The following XXYLT1 variants were observed in gnomAD, a reference collection of about 807,000 sequenced individuals.
XXYLT1 encodes the protein xyloside xylosyltransferase 1, also known as UDP-xylose:alpha-xyloside alpha-1,3-xylosyltransferase.
A neutral mutation model predicts 28.9 loss-of-function variants in XXYLT1; 20 were observed. The observed-to-expected ratio is 0.69, with a 90% CI of 0.49 to 1.00. The LOEUF (loss-of-function observed/expected upper bound fraction) is 1.00. Ranked by LOEUF, XXYLT1 falls within the 50% of genes least tolerant of loss-of-function variation. The pLI, the probability that XXYLT1 is intolerant of heterozygous loss-of-function variation, is 0.00. For missense variants in XXYLT1, 542 were observed against 560.1 expected, an observed-to-expected ratio of 0.97 and a Z score of 0.33; for synonymous variants, 257 against 253.8, an observed-to-expected ratio of 1.01 and a Z score of -0.12.
rs892215991 is a variant in XXYLT1, at chr3:195,255,957, G to C, written c.504+14598C>G. Among the ~76,000 whole-genome samples the C allele has an allele frequency of 1.3e-5, 2 of 152,162 alleles. No homozygotes were observed. The highest frequency in any genetic ancestry group is 4.8e-5 in the African/African-American group (2 of 41,432). On this transcript the variant is annotated intron_variant, in intron 1 of 3. Transcript: ENST00000310380. The surrounding 1 kb of genome is among the most constrained non-coding windows in gnomAD (Gnocchi z 4.5). ...TGTTCTATGGGCAGCTCCTGGAGGA[G>C]GGAGGGAAGGTCCACCCCGGGCAGC...
chr3:195,143,283 G>A (rs1024081295), intron 3 of XXYLT1, among the ~76,000 whole-genome samples: 1 of 152,098 alleles, frequency 6.6e-6, no homozygotes, highest in African/African-American at 2.4e-5. Flanking sequence ...CCCACGGTGG[G>A]AGCATTTGGC....
Position 195,077,137 on chromosome 3 carries a change from G to A in XXYLT1, c.786-7026C>T, listed in dbSNP as rs771560717. 9.2e-5 allele frequency among the ~76,000 whole-genome samples: 14 copies of A among 152,200 alleles called. No individual in the cohort carries two copies. The highest frequency in any genetic ancestry group is 1.8e-4 in the Non-Finnish European group (12 of 68,034). On this transcript the variant is annotated intron_variant, in intron 3 of 3. Transcript: ENST00000310380. The surrounding 1 kb of genome is among the most constrained non-coding windows in gnomAD (Gnocchi z 4.8). ...CCAGCCCCTGCTGCTCTCAGTGGGT[G>A]GAGACAGAATGACCCACAGTGGGCG...
chr3:195,119,700 G>A (rs961429723), intron 3 of XXYLT1, among the ~76,000 whole-genome samples: 2 of 152,186 alleles, frequency 1.3e-5, no homozygotes, highest in African/African-American at 4.8e-5. Flanking sequence ...TCCTCACTCC[G>A]CAGAACAATG....
chr3:195,119,708 A>G (rs1466868553), intron 3 of XXYLT1, among the ~76,000 whole-genome samples: 1 of 152,200 alleles, frequency 6.6e-6, no homozygotes, highest in Non-Finnish European at 1.5e-5. Context: ...CCGCAGAACA[A>G]TGCTGAGTCT....
At position 195,169,867 on chromosome 3, in the gene XXYLT1, A is replaced by AT. The variant is rs1392441054; in HGVS notation, c.653-13287dup. 1.5e-3 allele frequency among the ~76,000 whole-genome samples: 188 copies of AT among 124,450 alleles called. 2 individuals carry two copies. The highest frequency in any genetic ancestry group is 0.01 in the East Asian group (40 of 3,940). 81.6% of individuals were successfully genotyped at this position (124,450 alleles called of 152,430 possible). ...TGTGTGTGTACATATATATATATATATATTTTTTTTTTTTTGAGATGGAGT... is the reference window on the plus strand; with the variant it reads ...TGTGTGTGTACATATATATATATATATTATTTTTTTTTTTTTGAGATGGAGT... On this transcript the variant is annotated intron_variant, in intron 2 of 3. Coordinates refer to ENST00000310380, the MANE Select transcript of XXYLT1 (RefSeq NM_152531.5).
At chr3:195,190,268 G>A (rs1430299281) in intron 2 of XXYLT1, among the ~76,000 whole-genome samples, 1 of 152,096 alleles carries the variant, frequency 6.6e-6, no homozygotes, top group Admixed American at 6.6e-5. Flanking sequence ...GCCAACGTGG[G>A]TGGATCATTT....
rs1187926598 is a variant in XXYLT1, at chr3:195,240,888, T to C, written c.505-14032A>G. On this transcript the variant is annotated intron_variant, in intron 1 of 3. Coordinates refer to ENST00000310380, the MANE Select transcript of XXYLT1 (RefSeq NM_152531.5). The surrounding 1 kb of genome is among the most constrained non-coding windows in gnomAD (Gnocchi z 4.7). Reference sequence around the variant, plus strand: ...TTGCAGTGAGCTGAGATTGTGCCACTGCACTCCTGCCTGGGCAACAGAGCA... The same window carrying C: ...TTGCAGTGAGCTGAGATTGTGCCACCGCACTCCTGCCTGGGCAACAGAGCA... Among the ~76,000 whole-genome samples the C allele has an allele frequency of 6.6e-6, 1 of 152,214 alleles. No homozygotes were observed. The highest frequency in any genetic ancestry group is 1.5e-5 in the Non-Finnish European group (1 of 68,032).
At chr3:195,112,515 CA>C in intron 3 of XXYLT1, among the ~76,000 whole-genome samples, 1 of 18,534 alleles carries the variant, frequency 5.4e-5, no homozygotes, top group East Asian at 4.9e-4. Context: ...CACACACACC[CA>C]CACACACACA....
In XXYLT1 at chr3:195,210,565, G is replaced by A. The variant is rs1002703376; in HGVS notation, c.652+16144C>T. 3.3e-5 allele frequency among the ~76,000 whole-genome samples: 5 copies of A among 150,266 alleles called. No homozygotes were observed. Among genetic ancestry groups the A allele is most frequent in the Non-Finnish European group, 7.4e-5 (5 of 67,930 alleles). On this transcript the variant is annotated intron_variant, in intron 2 of 3. Coordinates refer to ENST00000310380, the MANE Select transcript of XXYLT1 (RefSeq NM_152531.5). This position sits in a 1 kb window ranked among gnomAD's most constrained non-coding sequence, Gnocchi z 4.8. ...AGAATCTAATGAAGGGGACCAAAAC[G>A]GGAAATATTACTGTTCAACCAATTT...
intron 2 of XXYLT1, chr3:195,184,488 T>C (rs1722089785): frequency 4.2e-6 from 2 of 480,942 alleles, no homozygotes; most frequent in African/African-American, 4.2e-5. Context: ...ATGATTAAAA[T>C]CCCAACTCAC....
At chr3:195,170,691 C>A (rs1468064823) in intron 2 of XXYLT1, among the ~76,000 whole-genome samples, 3 of 152,150 alleles carry the variant, frequency 2.0e-5, no homozygotes, top group African/African-American at 7.2e-5. Context: ...AATCCTCAAG[C>A]CTCCAGAGAC....
At chr3:195,207,399 GA>G (rs1292523752) in intron 2 of XXYLT1, 2 of 450,722 alleles carry the variant, frequency 4.4e-6, no homozygotes, top group Admixed American at 4.8e-5. Flanking sequence ...CAGGCAACAG[GA>G]AAACAGTGAC....
chr3:195,250,717 C>A (rs765294128), intron 1 of XXYLT1, among the ~76,000 whole-genome samples: 1 of 152,168 alleles, frequency 6.6e-6, no homozygotes, highest in Non-Finnish European at 1.5e-5. Flanking sequence ...CTTTTATGAA[C>A]CCCTACTTCA....
intron 3 of XXYLT1, among the ~76,000 whole-genome samples, chr3:195,121,388 G>A (rs1363511968): frequency 2.0e-5 from 3 of 152,126 alleles, no homozygotes; most frequent in Non-Finnish European, 4.4e-5. Context: ...GGAGACTGAC[G>A]CCCACCACCC....
chr3:195,174,248 G>A (rs746670380), intron 2 of XXYLT1, among the ~76,000 whole-genome samples: 1 of 152,226 alleles, frequency 6.6e-6, no homozygotes, highest in Non-Finnish European at 1.5e-5. Context: ...AGAGGAGGCA[G>A]AGGAGTGGAT....
intron 3 of XXYLT1, among the ~76,000 whole-genome samples, chr3:195,141,330 G>A (rs1284673796): frequency 1.3e-5 from 2 of 152,198 alleles, no homozygotes; most frequent in Admixed American, 6.5e-5. Context: ...CAGATACACT[G>A]TGTTACGTGG....
At chr3:195,268,279 A>G (rs1352779284) in intron 1 of XXYLT1, among the ~76,000 whole-genome samples, 1 of 150,306 alleles carries the variant, frequency 6.7e-6, no homozygotes. Context: ...AAAATACAAA[A>G]AATTAGCCGG....
intron 3 of XXYLT1, among the ~76,000 whole-genome samples, chr3:195,154,344 G>C (rs1018870628): frequency 6.6e-6 from 1 of 152,052 alleles, no homozygotes; most frequent in Admixed American, 6.6e-5. Context: ...GTGGCACTAG[G>C]AGGCATGTGC....
At chr3:195,254,814 T>A (rs1215890906) in intron 1 of XXYLT1, among the ~76,000 whole-genome samples, 1 of 152,248 alleles carries the variant, frequency 6.6e-6, no homozygotes, top group Non-Finnish European at 1.5e-5. Flanking sequence ...TTCAGTCACT[T>A]AACGTCGCCC....
Sources: gnomAD v4.1 joint callset for allele counts (sites outside exome capture counted in the v4.1 genomes callset) on GRCh38, gnomAD v4.1.1 for gene constraint, Gnocchi (gnomAD v3.1) non-coding constraint, MANE v1.5 for transcripts, NCBI Gene and HGNC (gene_info 2026-07-23, HGNC 2026-07-21) for gene names.